The following SNX29 variants were observed in gnomAD, a reference collection of about 807,000 sequenced individuals.
The protein encoded by SNX29 is sorting nexin 29.
Under a neutral mutation model 102.1 loss-of-function variants are expected in SNX29, and 78 were observed. The observed-to-expected ratio is 0.76, with a 90% CI of 0.64 to 0.92. The LOEUF (loss-of-function observed/expected upper bound fraction) is 0.92, where lower values mean the gene tolerates loss of function less well. Among genes scored for constraint, SNX29 ranks in the 40% least tolerant of loss-of-function variants. The pLI is 0.00. For missense variants in SNX29, 1,280 were observed against 1,061.7 expected, an observed-to-expected ratio of 1.21 and a Z score of -2.86; for synonymous variants, 580 against 414.5, an observed-to-expected ratio of 1.40 and a Z score of -4.85.
At chr16:12,567,325 G>T (rs115545455) in intron 20 of SNX29, among the ~76,000 whole-genome samples, 1 of 152,156 alleles carries the variant, frequency 6.6e-6, no homozygotes, top group African/African-American at 2.4e-5. Flanking sequence ...TGCTGCGGAC[G>T]CAGGAGTGGA....
intron 19 of SNX29, among the ~76,000 whole-genome samples, chr16:12,502,357 G>T (rs953886774): frequency 6.6e-6 from 1 of 152,164 alleles, no homozygotes; most frequent in Non-Finnish European, 1.5e-5. Flanking sequence ...CCTTACGAGG[G>T]CGCTGTGAGG....
At chr16:12,067,681 T>A (rs2051097955) in intron 9 of SNX29, among the ~76,000 whole-genome samples, 1 of 152,038 alleles carries the variant, frequency 6.6e-6, no homozygotes, top group Admixed American at 6.6e-5. Flanking sequence ...AGAGACGGGG[T>A]TTTGCCATGT....
chr16:12,436,635 A>G (rs2151649787), intron 18 of SNX29, among the ~76,000 whole-genome samples: 1 of 152,330 alleles, frequency 6.6e-6, no homozygotes, highest in Non-Finnish European at 1.5e-5. Context: ...CATGAGGGCC[A>G]TCATCTTTAG....
At chr16:12,109,778 T>A (rs1350390603) in intron 11 of SNX29, among the ~76,000 whole-genome samples, 1 of 151,980 alleles carries the variant, frequency 6.6e-6, no homozygotes, top group Non-Finnish European at 1.5e-5. Flanking sequence ...TCACCCAGGC[T>A]GGAGTGCAGT....
intron 20 of SNX29, among the ~76,000 whole-genome samples, chr16:12,566,639 C>T (rs973917087): frequency 3.3e-5 from 5 of 152,218 alleles, no homozygotes; most frequent in African/African-American, 4.8e-5. Context: ...GACCTCCTTC[C>T]AGCATCTTTG....
intron 14 of SNX29, among the ~76,000 whole-genome samples, chr16:12,224,741 A>C (rs2077566626): frequency 6.6e-6 from 1 of 152,172 alleles, no homozygotes; most frequent in Admixed American, 6.5e-5. Flanking sequence ...GATAGTAAGC[A>C]GGCACAAAAC....
At chr16:12,113,161 C>T (rs1435339680) in intron 11 of SNX29, among the ~76,000 whole-genome samples, 2 of 152,244 alleles carry the variant, frequency 1.3e-5, no homozygotes, top group African/African-American at 2.4e-5. Context: ...TGAGCAGTCA[C>T]TCCTTAGGCA....
At chr16:12,542,232 C>T (rs1042941817) in intron 20 of SNX29, among the ~76,000 whole-genome samples, 2 of 150,560 alleles carry the variant, frequency 1.3e-5, no homozygotes, top group African/African-American at 4.8e-5. Flanking sequence ...AGGGATAGGA[C>T]CTAGTGTTAT....
chr16:12,571,588 GC>G lies in SNX29; in HGVS notation c.*2960del, dbSNP rs2079188930. The G allele has an allele frequency of 9.5e-7, 1 of 1,052,492 alleles. No individual in the cohort carries two copies. The allele number at this position is 1,052,492 out of a possible 1,614,324, so 65.2% of individuals were successfully genotyped here. On this transcript the variant is annotated 3_prime_UTR_variant, in exon 21 of 21. Coordinates refer to ENST00000566228, the MANE Select transcript of SNX29 (RefSeq NM_032167.5). ...TCCTTCTGTCTTCATGGCCTGCTGTGCTGAAACAGAACAGCAGGTTCCATCT... is the reference window on the plus strand; with the variant it reads ...TCCTTCTGTCTTCATGGCCTGCTGTGTGAAACAGAACAGCAGGTTCCATCT...
chr16:12,453,865 C>G (rs1411103161), intron 18 of SNX29, among the ~76,000 whole-genome samples: 1 of 151,972 alleles, frequency 6.6e-6, no homozygotes, highest in Non-Finnish European at 1.5e-5. Flanking sequence ...TTTTTTTTGT[C>G]CCCTGGCCTT....
Position 12,573,669 on chromosome 16 carries a change from T to A in SNX29, c.*5040T>A, listed in dbSNP as rs186347281. 4.8e-4 allele frequency: 106 copies of A among 222,932 alleles called. 1 individual carries two copies. The highest frequency in any genetic ancestry group is 2.1e-3 in the African/African-American group (96 of 44,832). 13.8% of individuals were successfully genotyped at this position (222,932 alleles called of 1,614,324 possible). On this transcript the variant is annotated 3_prime_UTR_variant, in exon 21 of 21. Coordinates refer to ENST00000566228, the MANE Select transcript of SNX29 (RefSeq NM_032167.5). ...ACCACTCATTCACTGTCAGTGTAGG[T>A]AAGACAGAGGATGCCCTTGCAAAAA...
At chr16:12,071,778 C>T (rs540163509) in intron 10 of SNX29, among the ~76,000 whole-genome samples, 38 of 152,186 alleles carry the variant, frequency 2.5e-4, no homozygotes, top group Non-Finnish European at 4.0e-4. Context: ...GCCATTTTCA[C>T]GATATTGATT....
chr16:12,064,894 C>G (rs111305503), intron 9 of SNX29, among the ~76,000 whole-genome samples: 1,894 of 152,342 alleles, frequency 0.012, 20 homozygotes, highest in South Asian at 0.054. Context: ...CATTCTGGAG[C>G]CACTTCGTCT....
At position 12,543,116 on chromosome 16, in the gene SNX29, G is replaced by A. The variant is rs139990991; in HGVS notation, c.2318+18275G>A. Among the ~76,000 whole-genome samples, 216 of 152,274 alleles carry A rather than the reference G, an allele frequency of 1.4e-3. 3 individuals carry two copies. The highest frequency in any genetic ancestry group is 0.01 in the Middle Eastern group (3 of 294). On this transcript the variant is annotated intron_variant, in intron 20 of 20. Transcript: ENST00000566228. ...TGGAAAGATGGATCCTGGCAGCTGC[G>A]TATCTTATAGATGGTTTAGATCCAG...
rs1567471855 is a variant in SNX29, at chr16:12,355,871, A to G, written c.1783-292A>G. On this transcript the variant is annotated intron_variant, in intron 15 of 20. Coordinates refer to ENST00000566228, the MANE Select transcript of SNX29 (RefSeq NM_032167.5). The stretch of plus-strand genomic sequence containing the variant: ...AAAAAAAAAAAAAAAAAAAAAAAAA[A>G]AAAAAGAGAGAGGAAAAAAAAAGCC... Among the ~76,000 whole-genome samples, 29 of 133,244 alleles carry G rather than the reference A, an allele frequency of 2.2e-4. 2 individuals are homozygous for G. Among genetic ancestry groups the G allele is most frequent in the Non-Finnish European group, 1.7e-5 (1 of 60,502 alleles). The allele number at this position is 133,244 out of a possible 152,430, so 87.4% of individuals were successfully genotyped here.
chr16:12,103,811 T>A (rs780979812), intron 11 of SNX29, among the ~76,000 whole-genome samples: 18 of 152,158 alleles, frequency 1.2e-4, no homozygotes, highest in Non-Finnish European at 2.4e-4. Context: ...AGGGCTAATA[T>A]CCAGACTCTA....
At chr16:12,516,040 C>G (rs530018223) in intron 19 of SNX29, among the ~76,000 whole-genome samples, 1 of 152,240 alleles carries the variant, frequency 6.6e-6, no homozygotes, top group Admixed American at 6.5e-5. Flanking sequence ...TCGGCTAGGC[C>G]TAGACGTGGC....
intron 8 of SNX29, 36 bp downstream of exon 8, chr16:12,052,258 C>T (rs755426508): frequency 1.1e-4 from 179 of 1,610,802 alleles, no homozygotes; most frequent in Non-Finnish European, 1.4e-4. Context: ...TCACCGTCCC[C>T]CAGGCTGGAG....
chr16:12,550,314 G>C (rs966991273), intron 20 of SNX29, among the ~76,000 whole-genome samples: 1 of 152,102 alleles, frequency 6.6e-6, no homozygotes, highest in Non-Finnish European at 1.5e-5. Context: ...AGGTGGTTGG[G>C]TCACCTGAGG....
Sources: allele counts gnomAD v4.1 joint callset (sites outside exome capture counted in the v4.1 genomes callset), GRCh38; gene constraint gnomAD v4.1.1; transcripts MANE v1.5; gene names NCBI Gene and HGNC (gene_info 2026-07-23, HGNC 2026-07-21).